Variants in PDE7B observed in about 807,000 individuals in gnomAD.
PDE7B encodes the protein 3',5'-cyclic-AMP phosphodiesterase 7B.
Under a neutral mutation model 56.2 loss-of-function variants are expected in PDE7B, and 29 were observed. That is an observed-to-expected ratio of 0.52 (90% CI 0.38 to 0.70). The LOEUF is 0.70. PDE7B is among the 30% of genes least tolerant of loss of function. The pLI is 0.00. For synonymous variants in PDE7B, 197 were observed against 196.9 expected (o/e 1.00, Z 0.00); for missense variants, 490 against 565.0 (o/e 0.87, Z 1.35).
rs115178027 is a variant in PDE7B, at chr6:136,098,575, C to A, written c.83-10156C>A. 4.1e-3 allele frequency among the ~76,000 whole-genome samples: 627 copies of A among 152,206 alleles called. 2 individuals are homozygous for A. Among genetic ancestry groups the A allele is most frequent in the African/African-American group, 0.015 (604 of 41,544 alleles). On this transcript the variant is annotated intron_variant, in intron 2 of 12. Transcript: ENST00000308191. ...ACCCAGATATTTCCAAGTTACTTAT[C>A]CATATAAAAATCATAAAGCCTCACA...
At chr6:135,999,570 A>G (rs1775629725) in intron 2 of PDE7B, among the ~76,000 whole-genome samples, 1 of 151,996 alleles carries the variant, frequency 6.6e-6, no homozygotes, top group East Asian at 1.9e-4. Context: ...AGTTCCACCC[A>G]TGTTTCCACA....
chr6:136,042,226 A>T (rs1042786948), intron 2 of PDE7B, among the ~76,000 whole-genome samples: 15 of 152,212 alleles, frequency 9.9e-5, no homozygotes, highest in Non-Finnish European at 2.1e-4. Flanking sequence ...GACAGCATGC[A>T]CCCATGTGGG....
At chr6:135,887,940 C>G (rs1775738399) in intron 1 of PDE7B, among the ~76,000 whole-genome samples, 1 of 152,096 alleles carries the variant, frequency 6.6e-6, no homozygotes, top group Non-Finnish European at 1.5e-5. Context: ...CAGTTTACTC[C>G]CTACTACTCC....
intron 2 of PDE7B, among the ~76,000 whole-genome samples, chr6:136,039,043 G>A (rs1776373669): frequency 6.6e-6 from 1 of 152,116 alleles, no homozygotes; most frequent in Non-Finnish European, 1.5e-5. Context: ...TGGGCAAGTT[G>A]GTAAACTTTC....
chr6:136,011,536 T>C (rs566282844), intron 2 of PDE7B, among the ~76,000 whole-genome samples: 1 of 152,356 alleles, frequency 6.6e-6, no homozygotes, highest in African/African-American at 2.4e-5. Context: ...TTTTGCATGA[T>C]TGCAATATAC....
rs148774034 is a variant in PDE7B, at chr6:136,150,008, ACTGGTAAACTAAGTTAC to A, written c.382+862_382+878del. Reference sequence around the variant, plus strand: ...TGTTCAAATCAACTGAGAAACGGGTACTGGTAAACTAAGTTACCTGTGAACAAAAGAACTTGTTCAAT... The same window carrying A: ...TGTTCAAATCAACTGAGAAACGGGTACTGTGAACAAAAGAACTTGTTCAAT... On this transcript the variant is annotated intron_variant, in intron 5 of 12. Transcript: ENST00000308191. Among the ~76,000 whole-genome samples, 1,124 of 152,328 alleles carry A rather than the reference ACTGGTAAACTAAGTTAC, an allele frequency of 7.4e-3. 3 individuals carry two copies. Among genetic ancestry groups the A allele is most frequent in the Non-Finnish European group, 0.011 (781 of 68,018 alleles).
At chr6:136,136,347 A>C (rs1478268831) in intron 3 of PDE7B, among the ~76,000 whole-genome samples, 1 of 152,102 alleles carries the variant, frequency 6.6e-6, no homozygotes, top group Admixed American at 6.6e-5. Context: ...CACACCTACA[A>C]CCTGCAGGAC....
At chr6:136,171,307 T>A (rs1778875960) in intron 8 of PDE7B, among the ~76,000 whole-genome samples, 1 of 152,208 alleles carries the variant, frequency 6.6e-6, no homozygotes, top group Non-Finnish European at 1.5e-5. Context: ...TTTAATCAGC[T>A]AAATGCCAAG....
intron 2 of PDE7B, among the ~76,000 whole-genome samples, chr6:136,003,347 A>G (rs1775709596): frequency 6.6e-6 from 1 of 151,942 alleles, no homozygotes; most frequent in African/African-American, 2.4e-5. Flanking sequence ...GAAATAACTA[A>G]AATCAGAGCA....
intron 2 of PDE7B, among the ~76,000 whole-genome samples, chr6:136,031,058 A>T (rs780959428): frequency 3.9e-4 from 60 of 152,386 alleles, no homozygotes; most frequent in Admixed American, 1.5e-3. Context: ...CTTACATAGC[A>T]GTTCTGGTTG....
intron 1 of PDE7B, among the ~76,000 whole-genome samples, chr6:135,853,204 T>C (rs993561064): frequency 6.6e-6 from 1 of 152,194 alleles, no homozygotes; most frequent in African/African-American, 2.4e-5. Context: ...ATTCTCAACA[T>C]TGAGAACCTG....
chr6:135,954,418 G>A (rs570059097), intron 2 of PDE7B, among the ~76,000 whole-genome samples: 65 of 152,256 alleles, frequency 4.3e-4, no homozygotes, highest in Non-Finnish European at 7.5e-4. Context: ...CATAGCCAAG[G>A]CCAAGGGTCA....
rs1040311938 is a variant in PDE7B at position 136,194,073 on chromosome 6, C to T, written c.*2233C>T. On this transcript the variant is annotated 3_prime_UTR_variant, in exon 13 of 13. Transcript: ENST00000308191. ...GGTGAGGCTCCAAAAGAGAATATGT[C>T]AGATGTATTCCTACTTCCAAACCTG... 6.6e-6 allele frequency: 1 copy of T among 152,016 alleles called. No homozygotes were observed. The highest frequency in any genetic ancestry group is 6.6e-5 in the Admixed American group (1 of 15,260). 9.4% of individuals were successfully genotyped at this position (152,016 alleles called of 1,614,324 possible).
intron 2 of PDE7B, chr6:136,095,914 T>C (rs1777463403): frequency 6.6e-6 from 1 of 152,244 alleles, no homozygotes; most frequent in Non-Finnish European, 1.5e-5. Flanking sequence ...TTGCTATTAC[T>C]ATAGAAATAT....
At chr6:135,886,659 T>C (rs1221308899) in intron 1 of PDE7B, among the ~76,000 whole-genome samples, 1 of 152,176 alleles carries the variant, frequency 6.6e-6, no homozygotes, top group Non-Finnish European at 1.5e-5. Flanking sequence ...CTTAGAATAG[T>C]GGCCTCCAGT....
chr6:136,156,369 T>C (rs915155718), intron 8 of PDE7B, among the ~76,000 whole-genome samples: 3 of 152,104 alleles, frequency 2.0e-5, no homozygotes, highest in Non-Finnish European at 4.4e-5. Flanking sequence ...CTGTTTTTCA[T>C]AGGGACAAGG....
chr6:136,083,677 T>C (rs1777241954), intron 2 of PDE7B, among the ~76,000 whole-genome samples: 1 of 152,172 alleles, frequency 6.6e-6, no homozygotes, highest in Non-Finnish European at 1.5e-5. Flanking sequence ...GTAAACAAAC[T>C]GGCCTTTTAG....
chr6:135,975,417 G>A (rs1305761911), intron 2 of PDE7B, among the ~76,000 whole-genome samples: 1 of 152,104 alleles, frequency 6.6e-6, no homozygotes, highest in East Asian at 1.9e-4. Flanking sequence ...CTTCCACTAG[G>A]AAGGATATGA....
chr6:136,014,394 CAT>C (rs1195080112), intron 2 of PDE7B, among the ~76,000 whole-genome samples: 3 of 152,160 alleles, frequency 2.0e-5, no homozygotes, highest in African/African-American at 7.2e-5. Context: ...CATGTATACA[CAT>C]GATATATATT....
Sources: gnomAD v4.1 joint callset for allele counts (sites outside exome capture counted in the v4.1 genomes callset) on GRCh38, gnomAD v4.1.1 for gene constraint, MANE v1.5 for transcripts, NCBI Gene and HGNC (gene_info 2026-07-23, HGNC 2026-07-21) for gene names.